The following TSPAN9 variants were observed in gnomAD, a reference collection of about 807,000 sequenced individuals.
TSPAN9 encodes tetraspanin-9.
A neutral mutation model predicts 31.0 loss-of-function variants in TSPAN9; 16 were observed. The observed-to-expected ratio is 0.52, with a 90% confidence interval of 0.35 to 0.78. The LOEUF is 0.78. Among genes scored for constraint, TSPAN9 ranks in the 30% least tolerant of loss-of-function variants. The pLI is 0.01. For synonymous variants in TSPAN9, 145 were observed against 121.6 expected (o/e 1.19, Z -1.27); for missense variants, 272 against 312.5 (o/e 0.87, Z 0.98).
chr12:3,227,690 C>G (rs192144653), intron 3 of TSPAN9, among the ~76,000 whole-genome samples: 1 of 152,190 alleles, frequency 6.6e-6, no homozygotes, highest in Non-Finnish European at 1.5e-5. Context: ...CTCCACTGGC[C>G]TCTGGCTCTT....
chr12:3,109,957 G>T (rs184792001), intron 2 of TSPAN9, among the ~76,000 whole-genome samples: 1 of 152,116 alleles, frequency 6.6e-6, no homozygotes, highest in Non-Finnish European at 1.5e-5. Context: ...AACCCTATGA[G>T]CACCCCAGAA....
At chr12:3,194,480 G>A (rs561386449) in intron 2 of TSPAN9, among the ~76,000 whole-genome samples, 16 of 152,154 alleles carry the variant, frequency 1.1e-4, no homozygotes, top group Admixed American at 2.6e-4. Flanking sequence ...TCGACCTCCC[G>A]GGTTCAAGTG....
At chr12:3,248,548 TC>T (rs1423685629) in intron 3 of TSPAN9, among the ~76,000 whole-genome samples, 1 of 152,194 alleles carries the variant, frequency 6.6e-6, no homozygotes, top group Non-Finnish European at 1.5e-5. Context: ...GATAATAACT[TC>T]TTACATTAAG....
At chr12:3,180,118 G>T (rs1213480972) in intron 2 of TSPAN9, among the ~76,000 whole-genome samples, 1 of 152,150 alleles carries the variant, frequency 6.6e-6, no homozygotes, top group Non-Finnish European at 1.5e-5. Context: ...TCCAAACATT[G>T]TAATTCAGCG....
chr12:3,199,817 C>A (rs2153972883), intron 2 of TSPAN9, among the ~76,000 whole-genome samples: 1 of 152,298 alleles, frequency 6.6e-6, no homozygotes, highest in East Asian at 1.9e-4. Context: ...CCCTGCGGTC[C>A]CTTCTCCCTG....
intron 2 of TSPAN9, among the ~76,000 whole-genome samples, chr12:3,106,261 A>G (rs2098314632): frequency 6.6e-6 from 1 of 152,230 alleles, no homozygotes; most frequent in African/African-American, 2.4e-5. Flanking sequence ...AGTTTCTGAC[A>G]GTGGTGGAGT....
chr12:3,276,904 A>G (rs907225097), intron 3 of TSPAN9, among the ~76,000 whole-genome samples: 14 of 151,960 alleles, frequency 9.2e-5, no homozygotes, highest in African/African-American at 2.7e-4. Flanking sequence ...TCACCTTCCC[A>G]TGGGCATCCC....
At chr12:3,255,282 C>G (rs1195054428) in intron 3 of TSPAN9, among the ~76,000 whole-genome samples, 1 of 152,256 alleles carries the variant, frequency 6.6e-6, no homozygotes, top group East Asian at 1.9e-4. Context: ...CCTCATCTGA[C>G]TGTGGCATGT....
rs775890730 is a variant in TSPAN9, at chr12:3,201,238, C to A, written c.45C>A (p.Leu15=). 1.9e-6 allele frequency: 3 copies of A among 1,614,006 alleles called. No individual in the cohort carries two copies. Among genetic ancestry groups the A allele is most frequent in the Non-Finnish European group, 2.5e-6 (3 of 1,180,040 alleles). ...GCTGCTTGAAGTACATGATGTTCCT[C>A]TTCAATTTGATATTCTGGGTAAGTC... ...CLCCLKYMMF[L]FNLIFWLCGC... The change falls in exon 3 of 9, where the codon CTC becomes CTA. Residue 15 remains leucine (L), a synonymous_variant. Coordinates refer to ENST00000011898, the MANE Select transcript of TSPAN9 (RefSeq NM_006675.5).
Position 3,183,706 on chromosome 12 carries a change from G to A in TSPAN9, c.-17-17471G>A, listed in dbSNP as rs1354040832. On this transcript the variant is annotated intron_variant, in intron 2 of 8. Coordinates refer to ENST00000011898, the MANE Select transcript of TSPAN9 (RefSeq NM_006675.5). ...TCACCAAATACCCAAGGATTCTGGA[G>A]CAACTGGCCTGGGACCCACGCTTGG... Among the ~76,000 whole-genome samples the A allele has an allele frequency of 2.0e-5, 3 of 152,198 alleles. No homozygotes were observed. In the East Asian group the frequency reaches 5.8e-4, roughly 29 times the overall value.
rs1041201939 is a variant in TSPAN9 at position 3,107,907 on chromosome 12, C to T, written c.-18+24188C>T. 1.3e-5 allele frequency among the ~76,000 whole-genome samples: 2 copies of T among 152,160 alleles called. No homozygotes were observed. The highest frequency in any genetic ancestry group is 2.4e-5 in the African/African-American group (1 of 41,426). The stretch of plus-strand genomic sequence containing the variant: ...CCAAGCCTTTGCACATATTCCTGCT[C>T]CCTGGACCAACCTCGTGCTATTTAT... On this transcript the variant is annotated intron_variant, in intron 2 of 8. Coordinates refer to ENST00000011898, the MANE Select transcript of TSPAN9 (RefSeq NM_006675.5). The surrounding 1 kb of genome is among the most constrained non-coding windows in gnomAD (Gnocchi z 4.1).
intron 3 of TSPAN9, among the ~76,000 whole-genome samples, chr12:3,239,554 C>T (rs556722109): frequency 2.6e-5 from 4 of 152,348 alleles, no homozygotes; most frequent in African/African-American, 9.6e-5. Flanking sequence ...AGTTGGATCC[C>T]AGCAAACGAG....
At chr12:3,133,482 C>T (rs2098330733) in intron 2 of TSPAN9, among the ~76,000 whole-genome samples, 1 of 152,108 alleles carries the variant, frequency 6.6e-6, no homozygotes, top group Non-Finnish European at 1.5e-5. Flanking sequence ...AGGGACCCTC[C>T]CAGGGGAAAT....
chr12:3,134,966 G>A (rs2153967260), intron 2 of TSPAN9, among the ~76,000 whole-genome samples: 1 of 152,282 alleles, frequency 6.6e-6, no homozygotes, highest in South Asian at 2.1e-4. Context: ...GGCTAGCTGT[G>A]GAGGACATGG....
intron 4 of TSPAN9, 106 bp downstream of exon 4, chr12:3,278,718 G>A (rs1230846227): frequency 7.0e-7 from 1 of 1,438,038 alleles, no homozygotes; most frequent in East Asian, 2.3e-5. Flanking sequence ...TGTCCAACCT[G>A]AGCCCAGGGA....
At chr12:3,157,626 G>A (rs151017641) in intron 2 of TSPAN9, among the ~76,000 whole-genome samples, 70 of 152,316 alleles carry the variant, frequency 4.6e-4, no homozygotes, top group South Asian at 2.3e-3. Flanking sequence ...AGCTGCTACT[G>A]CTGTCAGTGT....
intron 3 of TSPAN9, among the ~76,000 whole-genome samples, chr12:3,271,650 G>T (rs1862680747): frequency 6.6e-6 from 1 of 152,104 alleles, no homozygotes; most frequent in Non-Finnish European, 1.5e-5. Flanking sequence ...AGGTGCTGTG[G>T]TCCTCCTACC....
chr12:3,103,287 C>T (rs944457322), intron 2 of TSPAN9, among the ~76,000 whole-genome samples: 8 of 152,206 alleles, frequency 5.3e-5, no homozygotes, highest in South Asian at 4.2e-4. Context: ...TTGTCAGCCT[C>T]GTCCGCGGTA....
chr12:3,144,374 T>A (rs1178714152), intron 2 of TSPAN9, among the ~76,000 whole-genome samples: 1 of 152,228 alleles, frequency 6.6e-6, no homozygotes, highest in East Asian at 1.9e-4. Context: ...GTGCTGGGGT[T>A]ACAGGTGTGA....
Sources: allele counts gnomAD v4.1 joint callset (sites outside exome capture counted in the v4.1 genomes callset), GRCh38; gene constraint gnomAD v4.1.1; non-coding constraint Gnocchi (gnomAD v3.1); transcripts MANE v1.5; gene names NCBI Gene and HGNC (gene_info 2026-07-23, HGNC 2026-07-21).